Variants in FSD1L observed in about 807,000 individuals in gnomAD.
FSD1L encodes the protein FSD1-like protein.
Under a neutral mutation model 71.6 loss-of-function variants are expected in FSD1L, and 45 were observed. The observed-to-expected ratio is 0.63, with a 90% confidence interval of 0.49 to 0.81. The LOEUF (loss-of-function observed/expected upper bound fraction) is 0.81. Ranked by LOEUF, FSD1L falls within the 30% of genes least tolerant of loss-of-function variation. The probability of loss-of-function intolerance (pLI) is 0.00; values close to 1 mark genes in which losing one functional copy is unlikely to be tolerated. For synonymous variants in FSD1L, 197 were observed against 207.2 expected, an observed-to-expected ratio of 0.95 and a Z score of 0.42; for missense variants, 561 against 618.1, an observed-to-expected ratio of 0.91 and a Z score of 0.98.
intron 7 of FSD1L, among the ~76,000 whole-genome samples, chr9:105,495,842 A>G (rs1447898251): frequency 6.6e-6 from 1 of 151,900 alleles, no homozygotes; most frequent in African/African-American, 2.4e-5. Context: ...GGGCGTAGTG[A>G]TGGGCGCATG....
chr9:105,527,991 T>C (rs1835632362), intron 10 of FSD1L, among the ~76,000 whole-genome samples: 1 of 152,184 alleles, frequency 6.6e-6, no homozygotes. Context: ...AACATTCCTA[T>C]ACCCCAATGA....
At chr9:105,448,310 G>A in intron 1 of FSD1L, 75 bp downstream of exon 1, 1 of 1,358,014 alleles carries the variant, frequency 7.4e-7, no homozygotes, top group Admixed American at 2.9e-5. Context: ...GCCTGGGCCC[G>A]TGGGCTGTGG....
intron 8 of FSD1L, among the ~76,000 whole-genome samples, chr9:105,507,490 T>G (rs1834124985): frequency 6.6e-6 from 1 of 152,208 alleles, no homozygotes. Context: ...TTTACAACAA[T>G]TATGAAGTTG....
intron 7 of FSD1L, among the ~76,000 whole-genome samples, chr9:105,504,618 T>C (rs1329541048): frequency 1.3e-5 from 2 of 152,192 alleles, no homozygotes; most frequent in African/African-American, 4.8e-5. Flanking sequence ...AGCACCTTCG[T>C]TGAATTACCA....
At chr9:105,482,876 C>T (rs1832303093) in intron 6 of FSD1L, among the ~76,000 whole-genome samples, 1 of 152,082 alleles carries the variant, frequency 6.6e-6, no homozygotes, top group Non-Finnish European at 1.5e-5. Context: ...CAACATTTCT[C>T]AGTAAACATT....
At chr9:105,518,381 C>T (rs1834874490) in intron 10 of FSD1L, among the ~76,000 whole-genome samples, 1 of 152,236 alleles carries the variant, frequency 6.6e-6, no homozygotes, top group Non-Finnish European at 1.5e-5. Flanking sequence ...CCTCGTCACA[C>T]TTATTCTAAA....
chr9:105,522,956 C>A (rs1432904790), intron 10 of FSD1L: 33 of 1,613,646 alleles, frequency 2.0e-5, no homozygotes, highest in Non-Finnish European at 2.8e-5. Context: ...GTGCAGGGAG[C>A]AGTGATCTTA....
chr9:105,539,491 C>T, intron 13 of FSD1L, 140 bp downstream of exon 13: 1 of 430,300 alleles, frequency 2.3e-6, no homozygotes, highest in Non-Finnish European at 4.1e-6. Flanking sequence ...CCCCAATTCA[C>T]CCTCTCCCAA....
chr9:105,455,837 A>G (rs1830324432), intron 1 of FSD1L, among the ~76,000 whole-genome samples: 1 of 152,330 alleles, frequency 6.6e-6, no homozygotes, highest in South Asian at 2.1e-4. Context: ...ATGAAATACT[A>G]ACTAAATTGG....
chr9:105,447,371 AC>A (rs930554880), upstream of FSD1L, among the ~76,000 whole-genome samples: 51 of 150,066 alleles, frequency 3.4e-4, no homozygotes, highest in African/African-American at 1.3e-3. Context: ...TAATTTATTC[AC>A]TACTAATTAT....
chr9:105,523,669 A>T, intron 10 of FSD1L: 1 of 1,600,970 alleles, frequency 6.2e-7, no homozygotes, highest in Non-Finnish European at 8.6e-7. Context: ...ATGTTGACTG[A>T]TAAATATAAA....
chr9:105,503,643 G>A (rs1187624194), intron 7 of FSD1L, among the ~76,000 whole-genome samples: 3 of 152,194 alleles, frequency 2.0e-5, no homozygotes, highest in African/African-American at 7.2e-5. Flanking sequence ...AGGTAGATGT[G>A]TGGATTGCTT....
At chr9:105,486,416 T>C (rs895977154) in intron 7 of FSD1L, among the ~76,000 whole-genome samples, 11 of 152,182 alleles carry the variant, frequency 7.2e-5, no homozygotes, top group African/African-American at 2.4e-4. Context: ...AAATTTGAGG[T>C]GGCACAGGTT....
intron 1 of FSD1L, among the ~76,000 whole-genome samples, chr9:105,460,356 C>G (rs1181846635): frequency 1.3e-5 from 2 of 151,958 alleles, no homozygotes; most frequent in Non-Finnish European, 2.9e-5. Context: ...ACTTGGGAAG[C>G]CGAAGTGGGT....
intron 13 of FSD1L, among the ~76,000 whole-genome samples, chr9:105,542,263 A>G (rs1836672635): frequency 2.6e-5 from 4 of 151,984 alleles, no homozygotes; most frequent in Admixed American, 2.6e-4. Context: ...CCATTATTTG[A>G]TATTACCAGA....
At chr9:105,456,168 A>C (rs1431259793) in intron 1 of FSD1L, among the ~76,000 whole-genome samples, 1 of 152,188 alleles carries the variant, frequency 6.6e-6, no homozygotes. Context: ...TGACCTTTTC[A>C]TGAACCTCTG....
At chr9:105,494,733 C>T (rs1285935063) in intron 7 of FSD1L, among the ~76,000 whole-genome samples, 1 of 152,190 alleles carries the variant, frequency 6.6e-6, no homozygotes, top group East Asian at 1.9e-4. Context: ...AGGACCTCAG[C>T]TGCAGGTCTT....
chr9:105,446,836 C>G (rs1829664085), upstream of FSD1L, among the ~76,000 whole-genome samples: 1 of 151,640 alleles, frequency 6.6e-6, no homozygotes, highest in African/African-American at 2.4e-5. Flanking sequence ...TATGTATTTC[C>G]CTTTTATTCA....
intron 7 of FSD1L, among the ~76,000 whole-genome samples, chr9:105,498,108 G>T (rs1833530667): frequency 6.6e-6 from 1 of 151,752 alleles, no homozygotes; most frequent in Non-Finnish European, 1.5e-5. Flanking sequence ...GCCTTCTAAA[G>T]CACTGGGACT....
Sources: allele counts gnomAD v4.1 joint callset (sites outside exome capture counted in the v4.1 genomes callset), GRCh38; gene constraint gnomAD v4.1.1; transcripts MANE v1.5; gene names NCBI Gene and HGNC (gene_info 2026-07-23, HGNC 2026-07-21).